NOL4: variants seen among roughly 807,000 people sequenced by gnomAD.
NOL4 encodes the protein nucleolar protein 4.
In NOL4, 17 loss-of-function variants were observed where a neutral mutation model predicts 75.9. The ratio of observed to expected loss-of-function variants is 0.22; its 90% CI spans 0.15 to 0.34. The LOEUF is 0.34. Ranked by LOEUF, NOL4 falls within the 10% of genes least tolerant of loss-of-function variation. NOL4 has a pLI of 1.00. For missense variants in NOL4, 614 were observed against 793.5 expected, an observed-to-expected ratio of 0.77 and a Z score of 2.72; for synonymous variants, 292 against 289.9, an observed-to-expected ratio of 1.01 and a Z score of -0.07.
At chr18:34,155,879 A>T (rs2030295071) in intron 1 of NOL4, among the ~76,000 whole-genome samples, 1 of 152,170 alleles carries the variant, frequency 6.6e-6, no homozygotes, top group South Asian at 2.1e-4. Context: ...AAAACTTCAT[A>T]TCCATTTTCT....
chr18:34,105,096 T>G lies in NOL4; in HGVS notation c.479A>C (p.Glu160Ala). The G allele has an allele frequency of 6.2e-7, 1 of 1,612,434 alleles. No individual in the cohort carries two copies. Among genetic ancestry groups the G allele is most frequent in the Non-Finnish European group, 8.5e-7 (1 of 1,178,716 alleles). ...AVTRFLMSCS[E>A]CQKRMHLNPD... ...GTTTAAATGCATTCTTTTCTGGCAC[T>G]CTGAGCAGCTCATTAGAAATCGTGT... Residue 160 changes from glutamate (E) to alanine (A), a missense_variant, in exon 3 of 11, where the codon GAG becomes GCG. By Grantham distance (107) the Glu-to-Ala change is moderately radical (BLOSUM62 -1). Transcript: ENST00000261592.
At chr18:34,060,502 T>A (rs1227438141) in intron 5 of NOL4, among the ~76,000 whole-genome samples, 1 of 152,202 alleles carries the variant, frequency 6.6e-6, no homozygotes, top group Non-Finnish European at 1.5e-5. Flanking sequence ...TACTGTATGT[T>A]ATTAATGGGT....
intron 9 of NOL4, among the ~76,000 whole-genome samples, chr18:33,928,327 C>G (rs982915779): frequency 6.6e-6 from 1 of 152,170 alleles, no homozygotes; most frequent in African/African-American, 2.4e-5. Flanking sequence ...TTAACAACAG[C>G]CTAAACCAAA....
intron 10 of NOL4, among the ~76,000 whole-genome samples, chr18:33,856,410 A>C (rs1466758634): frequency 6.6e-6 from 1 of 152,126 alleles, no homozygotes; most frequent in Non-Finnish European, 1.5e-5. Flanking sequence ...GCTTGAGTAC[A>C]GTGATTTCCA....
intron 5 of NOL4, among the ~76,000 whole-genome samples, chr18:34,055,710 GTC>G (rs1236504250): frequency 6.6e-6 from 1 of 151,848 alleles, no homozygotes; most frequent in Non-Finnish European, 1.5e-5. Context: ...CTCTCTCTCT[GTC>G]TCTCTTTACT....
Position 34,223,262 on chromosome 18 carries a change from C to A in NOL4, c.-9G>T. ...TCGCGCTCGCTCTCCATGTTCCCCG[C>A]GCTCGGCCGCTGGCCGGATGCTCCC... On this transcript the variant is annotated 5_prime_UTR_variant, in exon 1 of 11. Transcript: ENST00000261592. 2 of 1,611,946 alleles carry A rather than the reference C, an allele frequency of 1.2e-6. No homozygotes were observed. Among genetic ancestry groups the A allele is most frequent in the Non-Finnish European group, 1.7e-6 (2 of 1,179,384 alleles).
intron 1 of NOL4, among the ~76,000 whole-genome samples, chr18:34,130,469 A>T (rs1331443416): frequency 2.0e-5 from 3 of 152,048 alleles, no homozygotes; most frequent in African/African-American, 7.2e-5. Context: ...GAGTTATCCT[A>T]GGTTATTGCA....
At chr18:33,930,743 TG>T (rs2067634425) in intron 9 of NOL4, among the ~76,000 whole-genome samples, 1 of 152,162 alleles carries the variant, frequency 6.6e-6, no homozygotes, top group South Asian at 2.1e-4. Context: ...TTGGATTTTG[TG>T]GTATCTGTGT....
chr18:34,080,083 G>A (rs2077933097), intron 5 of NOL4, among the ~76,000 whole-genome samples: 1 of 152,098 alleles, frequency 6.6e-6, no homozygotes, highest in Non-Finnish European at 1.5e-5. Context: ...AATTTAGAAG[G>A]CACGAGGCCT....
intron 9 of NOL4, among the ~76,000 whole-genome samples, chr18:33,941,728 C>G (rs2068499656): frequency 6.6e-6 from 1 of 151,832 alleles, no homozygotes; most frequent in Non-Finnish European, 1.5e-5. Flanking sequence ...ACTGGAATAG[C>G]TTGGTGAAGT....
intron 9 of NOL4, among the ~76,000 whole-genome samples, chr18:33,939,111 C>T (rs111755273): frequency 0.18 from 27,995 of 151,920 alleles, 3,108 homozygotes; most frequent in East Asian, 0.39. Flanking sequence ...ATTTCTGAGG[C>T]CTCTGCTCTG....
At chr18:34,004,371 A>C (rs1456817923) in intron 6 of NOL4, among the ~76,000 whole-genome samples, 1 of 152,052 alleles carries the variant, frequency 6.6e-6, no homozygotes, top group Non-Finnish European at 1.5e-5. Flanking sequence ...AAATCTCTTC[A>C]AATATTTTGC....
intron 6 of NOL4, among the ~76,000 whole-genome samples, chr18:33,997,888 CA>C (rs1172216639): frequency 6.6e-6 from 1 of 151,554 alleles, no homozygotes; most frequent in Non-Finnish European, 1.5e-5. Flanking sequence ...AATAGATAAG[CA>C]AAATTTGGTA....
At chr18:34,123,765 T>C (rs191033290) in intron 2 of NOL4, among the ~76,000 whole-genome samples, 1 of 150,406 alleles carries the variant, frequency 6.6e-6, no homozygotes, top group Admixed American at 6.6e-5. Context: ...GATCTATTTA[T>C]CTATAGATAG....
At chr18:33,925,404 T>A (rs1287334268) in intron 9 of NOL4, among the ~76,000 whole-genome samples, 1 of 152,190 alleles carries the variant, frequency 6.6e-6, no homozygotes, top group African/African-American at 2.4e-5. Flanking sequence ...AATGCAGGAT[T>A]CTGTAAAAAG....
intron 5 of NOL4, among the ~76,000 whole-genome samples, chr18:34,071,375 C>G (rs561351338): frequency 2.6e-5 from 4 of 151,832 alleles, no homozygotes; most frequent in Non-Finnish European, 5.9e-5. Flanking sequence ...GTTTAAAATA[C>G]TCCCGTTAAA....
At chr18:33,864,691 G>C (rs1408743977) in intron 10 of NOL4, among the ~76,000 whole-genome samples, 3 of 151,974 alleles carry the variant, frequency 2.0e-5, no homozygotes. Flanking sequence ...GTTTCCCCCT[G>C]TCTATGGTAC....
intron 6 of NOL4, among the ~76,000 whole-genome samples, chr18:33,958,720 A>T (rs1414355000): frequency 1.3e-5 from 2 of 152,146 alleles, no homozygotes; most frequent in Non-Finnish European, 2.9e-5. Context: ...CTCAATACTC[A>T]TATTCCAAAT....
intron 5 of NOL4, among the ~76,000 whole-genome samples, chr18:34,024,577 A>C (rs2075251865): frequency 6.6e-6 from 1 of 152,056 alleles, no homozygotes; most frequent in Non-Finnish European, 1.5e-5. Context: ...AACAACAACA[A>C]CAACAACAAA....
Sources: allele counts gnomAD v4.1 joint callset (sites outside exome capture counted in the v4.1 genomes callset), GRCh38; gene constraint gnomAD v4.1.1; transcripts MANE v1.5; gene names NCBI Gene and HGNC (gene_info 2026-07-23, HGNC 2026-07-21).